The following PDSS1 variants were observed in gnomAD, a reference collection of about 807,000 sequenced individuals.
The protein encoded by PDSS1 is decaprenyl diphosphate synthase subunit 1.
A neutral mutation model predicts 57.5 loss-of-function variants in PDSS1; 43 were observed. The ratio of observed to expected loss-of-function variants is 0.75; its 90% CI spans 0.59 to 0.96. The LOEUF is 0.96. Among genes scored for constraint, PDSS1 ranks in the 50% least tolerant of loss-of-function variants. The pLI is 0.00. For missense variants in PDSS1, 438 were observed against 527.8 expected (o/e 0.83, Z 1.67); for synonymous variants, 175 against 191.3 (o/e 0.91, Z 0.70).
chr10:26,700,332 G>C (rs1271259628), intron 1 of PDSS1, among the ~76,000 whole-genome samples: 1 of 148,940 alleles, frequency 6.7e-6, no homozygotes, highest in African/African-American at 2.5e-5. Flanking sequence ...AGCTGAGCGT[G>C]GTGGCTCACG....
At chr10:26,723,028 C>T (rs1331501306) in intron 6 of PDSS1, among the ~76,000 whole-genome samples, 1 of 151,804 alleles carries the variant, frequency 6.6e-6, no homozygotes, top group Non-Finnish European at 1.5e-5. Flanking sequence ...CTGGGGTGTG[C>T]TCAGTACTAG....
chr10:26,705,866 T>C (rs144907863), intron 4 of PDSS1, among the ~76,000 whole-genome samples: 208 of 152,340 alleles, frequency 1.4e-3, no homozygotes, highest in Non-Finnish European at 2.3e-3. Context: ...CCAGGCAATA[T>C]GAAGAATGCA....
rs1836366295 is a variant in PDSS1 at position 26,735,512 on chromosome 10, G to C, written c.959G>C (p.Gly320Ala). Residue 320 changes from glycine to alanine, a missense_variant, in exon 10 of 12, where the codon GGC becomes GCC. Gly to Ala is a moderately conservative substitution (Grantham distance 60). Transcript: ENST00000376215. ...TTCACCTCGTGTTCTGACCAGATGG[G>C]CAAACCAACATCAGCTGATCTGAAG... ...LDFTSCSDQM[G>A]KPTSADLKLG... is the part of the protein sequence containing the mutation. 2 of 1,613,926 alleles carry C rather than the reference G, an allele frequency of 1.2e-6. No individual in the cohort carries two copies. The highest frequency in any genetic ancestry group is 1.7e-6 in the Non-Finnish European group (2 of 1,179,840).
intron 2 of PDSS1, 41 bp from the exon 3 acceptor site, chr10:26,704,636 A>G (rs373632110): frequency 3.5e-6 from 3 of 862,284 alleles, no homozygotes; most frequent in Non-Finnish European, 6.0e-6. Flanking sequence ...ACAGTTTTTC[A>G]GGAATATTCT....
chr10:26,731,480 C>G (rs73596304), intron 8 of PDSS1, among the ~76,000 whole-genome samples: 6,329 of 152,254 alleles, frequency 0.042, 322 homozygotes, highest in African/African-American at 0.11. Context: ...ATTACAAACA[C>G]TACTGCAAGG....
chr10:26,702,260 G>A (rs371019637), intron 2 of PDSS1, 66 bp downstream of exon 2: 13 of 402,688 alleles, frequency 3.2e-5, no homozygotes, highest in African/African-American at 9.0e-5. Context: ...GGGACTGTTC[G>A]GAAGGAATGA....
intron 5 of PDSS1, among the ~76,000 whole-genome samples, chr10:26,710,010 C>T (rs1047822839): frequency 1.3e-5 from 2 of 151,782 alleles, no homozygotes; most frequent in Admixed American, 6.6e-5. Flanking sequence ...AAAAATTAGC[C>T]GGGCGTGGTG....
chr10:26,741,940 T>C (rs67940790), intron 10 of PDSS1, among the ~76,000 whole-genome samples: 27,749 of 152,154 alleles, frequency 0.18, 2,649 homozygotes, highest in Admixed American at 0.23. Context: ...AATGGCGCAA[T>C]CTCGGCTCAC....
intron 8 of PDSS1, among the ~76,000 whole-genome samples, chr10:26,725,689 G>A (rs1835928875): frequency 6.6e-6 from 1 of 151,530 alleles, no homozygotes; most frequent in African/African-American, 2.4e-5. Flanking sequence ...AACACATTAG[G>A]GTGCCTTAAT....
intron 10 of PDSS1, among the ~76,000 whole-genome samples, chr10:26,738,581 G>A (rs1433484153): frequency 6.6e-6 from 1 of 152,212 alleles, no homozygotes; most frequent in African/African-American, 2.4e-5. Context: ...TGGTGGAGTA[G>A]TTCTAAGACG....
At chr10:26,732,331 G>A (rs1009684177) in intron 8 of PDSS1, among the ~76,000 whole-genome samples, 1 of 152,234 alleles carries the variant, frequency 6.6e-6, no homozygotes, top group Non-Finnish European at 1.5e-5. Flanking sequence ...ATCTGGGATA[G>A]TTGAAATCTG....
chr10:26,705,301 C>T lies in PDSS1; in HGVS notation c.243C>T (p.Thr81=), dbSNP rs762902803. The T allele has an allele frequency of 9.8e-5, 158 of 1,609,826 alleles. 1 individual carries two copies. The highest frequency in any genetic ancestry group is 6.5e-4 in the South Asian group (59 of 91,010). Residue 81 remains threonine, a synonymous_variant, in exon 4 of 12, where the codon ACC becomes ACT. Transcript: ENST00000376215. ...CATGTCCCAGGTTTCATCACACAAC[C>T]CCAGACAGTAAAACACACAGTGGTG... ...VCRISRFHHT[T]PDSKTHSGEK... is the part of the protein sequence containing the mutation.
chr10:26,703,503 G>T (rs373505174), intron 2 of PDSS1, among the ~76,000 whole-genome samples: 1 of 152,016 alleles, frequency 6.6e-6, no homozygotes, highest in Admixed American at 6.5e-5. Context: ...TACTGAAGAA[G>T]TTTTACTCTT....
Position 26,708,039 on chromosome 10 carries a change from A to G in PDSS1, c.337-1599A>G, listed in dbSNP as rs139076158. Among the ~76,000 whole-genome samples the G allele has an allele frequency of 1.5e-3, 223 of 152,258 alleles. 1 individual carries two copies. Among genetic ancestry groups the G allele is most frequent in the African/African-American group, 4.7e-3 (197 of 41,534 alleles). On this transcript the variant is annotated intron_variant, in intron 4 of 11. Transcript: ENST00000376215. ...TCCCTGTCTCAGCTTCCGAGGTGAC[A>G]GCTTACCTGGGTGACAGCACCACAC...
At chr10:26,736,786 T>C (rs1836421189) in intron 10 of PDSS1, among the ~76,000 whole-genome samples, 1 of 152,104 alleles carries the variant, frequency 6.6e-6, no homozygotes, top group Non-Finnish European at 1.5e-5. Flanking sequence ...AGGTAAGAAG[T>C]GAAAGGTATG....
chr10:26,709,870 C>A, intron 5 of PDSS1, 102 bp downstream of exon 5: 6 of 1,287,466 alleles, frequency 4.7e-6, no homozygotes, highest in Non-Finnish European at 6.7e-6. Context: ...TAGCATATAC[C>A]GGCTGGGCAT....
At chr10:26,740,707 T>A (rs1017174255) in intron 10 of PDSS1, 5 of 456,540 alleles carry the variant, frequency 1.1e-5, no homozygotes, top group African/African-American at 1.0e-4. Context: ...ATCAAACACA[T>A]CTTACCTCTT....
At position 26,721,903 on chromosome 10, in the gene PDSS1, C is replaced by T. The variant is rs183053295; in HGVS notation, c.609+1544C>T. On this transcript the variant is annotated intron_variant, in intron 6 of 11. Transcript: ENST00000376215. ...CAGCCATCTGCTTAGCACAGGGCTA[C>T]TTGCCAGTTCCTACCTGTTTCTGCC... Among the ~76,000 whole-genome samples, 744 of 152,356 alleles carry T rather than the reference C, an allele frequency of 4.9e-3. 5 individuals carry two copies. Among genetic ancestry groups the T allele is most frequent in the African/African-American group, 0.017 (699 of 41,580 alleles).
chr10:26,745,704 G>C (rs916484877), intron 11 of PDSS1, among the ~76,000 whole-genome samples: 1 of 151,926 alleles, frequency 6.6e-6, no homozygotes, highest in African/African-American at 2.4e-5. Context: ...AAAATTAGCC[G>C]GGCATGGTGG....
Sources: allele counts gnomAD v4.1 joint callset (sites outside exome capture counted in the v4.1 genomes callset), GRCh38; gene constraint gnomAD v4.1.1; transcripts MANE v1.5; gene names NCBI Gene and HGNC (gene_info 2026-07-23, HGNC 2026-07-21).